TMEM132C: variants seen among roughly 807,000 people sequenced by gnomAD.
TMEM132C encodes transmembrane protein 132C.
A neutral mutation model predicts 61.4 loss-of-function variants in TMEM132C; 29 were observed. The ratio of observed to expected loss-of-function variants is 0.47; its 90% CI spans 0.35 to 0.64. The LOEUF is 0.64. Ranked by LOEUF, TMEM132C falls within the 30% of genes least tolerant of loss-of-function variation. The pLI, the probability that TMEM132C is intolerant of heterozygous loss-of-function variation, is 0.00. For synonymous variants in TMEM132C, 656 were observed against 633.1 expected (o/e 1.04, Z -0.54); for missense variants, 1,408 against 1,476.9 (o/e 0.95, Z 0.76).
chr12:128,362,022 G>A (rs1873721391), intron 1 of TMEM132C, among the ~76,000 whole-genome samples: 1 of 151,964 alleles, frequency 6.6e-6, no homozygotes, highest in Admixed American at 6.6e-5. Flanking sequence ...CGGAGTTCAG[G>A]ACACCCTGGA....
intron 3 of TMEM132C, among the ~76,000 whole-genome samples, chr12:128,589,335 T>C (rs946605875): frequency 3.3e-5 from 5 of 152,134 alleles, no homozygotes; most frequent in Admixed American, 6.5e-5. Context: ...CAGACTTTTC[T>C]GCAGCCTGCA....
intron 1 of TMEM132C, among the ~76,000 whole-genome samples, chr12:128,318,567 A>G (rs952476751): frequency 7.2e-5 from 11 of 152,226 alleles, no homozygotes; most frequent in African/African-American, 2.7e-4. Flanking sequence ...ACAGCTTTGT[A>G]TTGAATTAGG....
intron 1 of TMEM132C, among the ~76,000 whole-genome samples, chr12:128,283,006 G>A (rs1299809473): frequency 1.3e-5 from 2 of 152,158 alleles, no homozygotes; most frequent in African/African-American, 4.8e-5. Context: ...CTACTGTGAG[G>A]TTACTCTTAT....
chr12:128,373,161 A>C lies in TMEM132C; in HGVS notation c.86-41571A>C, dbSNP rs145542799. On this transcript the variant is annotated intron_variant, in intron 1 of 8. Coordinates refer to ENST00000435159, the MANE Select transcript of TMEM132C (RefSeq NM_001136103.3). The stretch of plus-strand genomic sequence containing the variant: ...GTCCTCAGGAACCCACATTCTTTCT[A>C]TCTCTCTGCTTGGTTTAACTCAGCT... Among the ~76,000 whole-genome samples, 110 of 152,200 alleles carry C rather than the reference A, an allele frequency of 7.2e-4. 4 individuals are homozygous for C. In the East Asian group the frequency reaches 8.7e-3, roughly 12 times the overall value.
intron 1 of TMEM132C, chr12:128,404,927 A>G (rs893451664): frequency 4.5e-5 from 6 of 131,906 alleles, no homozygotes; most frequent in Non-Finnish European, 6.8e-5. Flanking sequence ...ACTGACAGGC[A>G]GGTACAGATA....
At chr12:128,544,214 A>G (rs1176333029) in intron 3 of TMEM132C, 111 bp downstream of exon 3, 10 of 1,375,264 alleles carry the variant, frequency 7.3e-6, no homozygotes, top group East Asian at 2.7e-5. Flanking sequence ...CAGAGGAGCT[A>G]TTGAACCCAC....
At chr12:128,420,087 T>A (rs533074686) in intron 2 of TMEM132C, among the ~76,000 whole-genome samples, 2 of 151,962 alleles carry the variant, frequency 1.3e-5, no homozygotes, top group East Asian at 3.9e-4. Flanking sequence ...TCCCAGCTAC[T>A]TGGGAGGCTG....
chr12:128,357,847 G>T (rs1021047970), intron 1 of TMEM132C, among the ~76,000 whole-genome samples: 3 of 151,614 alleles, frequency 2.0e-5, no homozygotes, highest in Non-Finnish European at 2.9e-5. Context: ...CCCACCCGAG[G>T]CCTCCCCTCC....
At chr12:128,396,618 G>A (rs1674534197) in intron 1 of TMEM132C, among the ~76,000 whole-genome samples, 1 of 152,262 alleles carries the variant, frequency 6.6e-6, no homozygotes, top group East Asian at 1.9e-4. Context: ...CCTATCATGT[G>A]CCAGGCATGA....
At chr12:128,693,024 C>T (rs1314483193) in intron 5 of TMEM132C, among the ~76,000 whole-genome samples, 1 of 152,088 alleles carries the variant, frequency 6.6e-6, no homozygotes, top group Non-Finnish European at 1.5e-5. Context: ...TAAATAATCC[C>T]ACGGGGTCAT....
chr12:128,342,419 A>G (rs1233439067), intron 1 of TMEM132C, among the ~76,000 whole-genome samples: 4 of 152,330 alleles, frequency 2.6e-5, no homozygotes, highest in African/African-American at 4.8e-5. Context: ...GTACAAAAGT[A>G]TTAGTCAAGG....
chr12:128,326,041 C>T lies in TMEM132C; in HGVS notation c.85+58554C>T, dbSNP rs186359707. On this transcript the variant is annotated intron_variant, in intron 1 of 8. Coordinates refer to ENST00000435159, the MANE Select transcript of TMEM132C (RefSeq NM_001136103.3). The surrounding 1 kb of genome is among the most constrained non-coding windows in gnomAD (Gnocchi z 5.6). ...CCTGACGCCATACTCAGGACATGGC[C>T]AGTATTCACACAGTATTGGAATGAA... Among the ~76,000 whole-genome samples, 4 of 152,072 alleles carry T rather than the reference C, an allele frequency of 2.6e-5. No homozygotes were observed. The East Asian group carries it at 7.7e-4, about 29-fold the overall frequency.
chr12:128,429,735 G>A (rs1869321408), intron 2 of TMEM132C, among the ~76,000 whole-genome samples: 1 of 152,104 alleles, frequency 6.6e-6, no homozygotes, highest in Non-Finnish European at 1.5e-5. Flanking sequence ...ATCAGAGAGG[G>A]GTATTCAAAG....
At chr12:128,481,020 A>G (rs114962420) in intron 2 of TMEM132C, among the ~76,000 whole-genome samples, 3,251 of 152,216 alleles carry the variant, frequency 0.021, 143 homozygotes, top group African/African-American at 0.074. Flanking sequence ...CCTGGCTCAT[A>G]GTAGGTGATT....
chr12:128,644,039 G>A (rs759186877), intron 4 of TMEM132C, among the ~76,000 whole-genome samples: 9 of 152,184 alleles, frequency 5.9e-5, no homozygotes, highest in Admixed American at 1.3e-4. Context: ...GCAAATTAAA[G>A]CCACAATGAA....
chr12:128,358,312 C>T (rs998300062), intron 1 of TMEM132C, among the ~76,000 whole-genome samples: 5 of 152,156 alleles, frequency 3.3e-5, no homozygotes, highest in African/African-American at 1.2e-4. Flanking sequence ...ACCTGCTTAT[C>T]CTGCTCAAAA....
chr12:128,562,778 C>T (rs1874569667), intron 3 of TMEM132C, among the ~76,000 whole-genome samples: 1 of 146,772 alleles, frequency 6.8e-6, no homozygotes, highest in Non-Finnish European at 1.5e-5. Flanking sequence ...GGATCAGCTT[C>T]TGTGACAGCA....
At chr12:128,374,262 G>A (rs1304669322) in intron 1 of TMEM132C, among the ~76,000 whole-genome samples, 1 of 152,186 alleles carries the variant, frequency 6.6e-6, no homozygotes, top group Non-Finnish European at 1.5e-5. Context: ...ATGGTGGAGT[G>A]TGTGTTGTAT....
In TMEM132C at chr12:128,600,126, A is replaced by G. The variant is rs868040553; in HGVS notation, c.1122-16026A>G. ...GCCTCCTGAGTAGCTGGGACTACAG[A>G]CGCCCGCCACTGCGCCCGGCTAATT... On this transcript the variant is annotated intron_variant, in intron 3 of 8. Coordinates refer to ENST00000435159, the MANE Select transcript of TMEM132C (RefSeq NM_001136103.3). Among the ~76,000 whole-genome samples, 578 of 151,946 alleles carry G rather than the reference A, an allele frequency of 3.8e-3. 2 individuals are homozygous for G. The highest frequency in any genetic ancestry group is 0.013 in the African/African-American group (525 of 41,434).
Sources: allele counts gnomAD v4.1 joint callset (sites outside exome capture counted in the v4.1 genomes callset), GRCh38; gene constraint gnomAD v4.1.1; non-coding constraint Gnocchi (gnomAD v3.1); transcripts MANE v1.5; gene names NCBI Gene and HGNC (gene_info 2026-07-23, HGNC 2026-07-21).